Variants in MYO16 observed in about 807,000 individuals in gnomAD.
MYO16 encodes myosin XVI.
MYO16 carries 94 observed loss-of-function variants against 205.3 expected under a neutral mutation model. That is an observed-to-expected ratio of 0.46 (90% CI 0.39 to 0.54). The LOEUF is 0.54. Among genes scored for constraint, MYO16 ranks in the 20% least tolerant of loss-of-function variants. The pLI is 0.00. For missense variants in MYO16, 2,315 were observed against 2,387.5 expected (o/e 0.97, Z 0.63); for synonymous variants, 988 against 954.0 (o/e 1.04, Z -0.66).
intron 23 of MYO16, among the ~76,000 whole-genome samples, chr13:109,041,762 A>T (rs575942700): frequency 2.5e-4 from 38 of 152,334 alleles, no homozygotes; most frequent in Non-Finnish European, 3.7e-4. Context: ...TTATTTCAAA[A>T]TTAAAACTTT....
chr13:108,914,213 GTATC>G (rs372675739), intron 16 of MYO16, among the ~76,000 whole-genome samples: 134 of 147,116 alleles, frequency 9.1e-4, no homozygotes, highest in African/African-American at 3.3e-3. Context: ...AATAATTACT[GTATC>G]TACTATTGTT....
intron 3 of MYO16, among the ~76,000 whole-genome samples, chr13:108,721,385 G>T (rs192027561): frequency 4.8e-4 from 73 of 152,320 alleles, no homozygotes; most frequent in Middle Eastern, 3.4e-3. Flanking sequence ...CAAACCAGAG[G>T]TGTGGATAAA....
chr13:108,634,350 C>A (rs1012835607), intron 1 of MYO16, among the ~76,000 whole-genome samples: 1 of 152,182 alleles, frequency 6.6e-6, no homozygotes, highest in East Asian at 1.9e-4. Context: ...AAGGCCAGTG[C>A]GCTTGCAATT....
chr13:108,671,571 A>G (rs1566541451), intron 2 of MYO16, among the ~76,000 whole-genome samples: 2 of 152,218 alleles, frequency 1.3e-5, no homozygotes, highest in African/African-American at 2.4e-5. Flanking sequence ...TCAATGAAAG[A>G]GTCTGAATTT....
chr13:108,600,788 G>T (rs1315984435), intron 1 of MYO16, among the ~76,000 whole-genome samples: 4 of 152,084 alleles, frequency 2.6e-5, no homozygotes, highest in Non-Finnish European at 5.9e-5. Flanking sequence ...AGTAAATGCA[G>T]CCCCTAACAG....
chr13:108,836,713 T>C (rs1053807424), intron 9 of MYO16, among the ~76,000 whole-genome samples: 4 of 152,206 alleles, frequency 2.6e-5, no homozygotes, highest in Non-Finnish European at 5.9e-5. Context: ...AGAATCGTTA[T>C]GGAACGTTAA....
intron 11 of MYO16, among the ~76,000 whole-genome samples, chr13:108,859,257 G>A (rs1455119378): frequency 6.7e-6 from 1 of 149,938 alleles, no homozygotes; most frequent in African/African-American, 2.4e-5. Context: ...TTCTTGTTTT[G>A]TTCACTGCTA....
At chr13:108,711,538 C>T (rs1883724080) in intron 2 of MYO16, among the ~76,000 whole-genome samples, 1 of 152,208 alleles carries the variant, frequency 6.6e-6, no homozygotes, top group African/African-American at 2.4e-5. Context: ...TCCCTCATCA[C>T]ACCCACTGCA....
intron 4 of MYO16, among the ~76,000 whole-genome samples, chr13:108,767,750 C>T (rs1052260213): frequency 3.9e-5 from 6 of 152,124 alleles, no homozygotes; most frequent in Admixed American, 2.0e-4. Flanking sequence ...AGTCTCCCTT[C>T]CTATTTTATT....
chr13:108,540,548 T>G, the MYO16 span, among the ~76,000 whole-genome samples: 1 of 152,168 alleles, frequency 6.6e-6, no homozygotes, highest in Non-Finnish European at 1.5e-5. Flanking sequence ...TTAGAACTTG[T>G]GTGATTATAC....
chr13:109,049,743 A>G (rs1275424023), intron 24 of MYO16, among the ~76,000 whole-genome samples: 4 of 152,234 alleles, frequency 2.6e-5, no homozygotes, highest in African/African-American at 9.6e-5. Flanking sequence ...CTATACTATT[A>G]TGTATTTATC....
intron 3 of MYO16, among the ~76,000 whole-genome samples, chr13:108,720,927 T>G (rs1884139190): frequency 1.3e-5 from 2 of 152,158 alleles, no homozygotes; most frequent in South Asian, 4.1e-4. Context: ...TCAGGGTCAT[T>G]CATGATATGT....
At chr13:108,578,691 C>T in the MYO16 span, among the ~76,000 whole-genome samples, 2 of 152,150 alleles carry the variant, frequency 1.3e-5, no homozygotes, top group African/African-American at 2.4e-5. Flanking sequence ...ATACATTTCT[C>T]GTGTTCAACT....
chr13:109,077,761 G>A (rs541808017), intron 27 of MYO16, among the ~76,000 whole-genome samples: 2 of 152,230 alleles, frequency 1.3e-5, no homozygotes, highest in East Asian at 1.9e-4. Flanking sequence ...AAGCACTTTG[G>A]TGTAGTTCCT....
chr13:108,613,472 G>A, intron 1 of MYO16, among the ~76,000 whole-genome samples: 1 of 151,986 alleles, frequency 6.6e-6, no homozygotes, highest in East Asian at 1.9e-4. Context: ...TCAAAACTTA[G>A]TGTCATAATA....
intron 16 of MYO16, among the ~76,000 whole-genome samples, chr13:108,950,642 C>T (rs7992252): frequency 0.64 from 97,513 of 152,088 alleles, 36,049 homozygotes; most frequent in Non-Finnish European, 0.84. Flanking sequence ...GTGACAGTTT[C>T]TTATAAAACT....
At chr13:108,704,840 A>C (rs1883443441) in intron 2 of MYO16, among the ~76,000 whole-genome samples, 1 of 152,078 alleles carries the variant, frequency 6.6e-6, no homozygotes, top group Non-Finnish European at 1.5e-5. Flanking sequence ...TTTGAGTAGA[A>C]ATAAAAGAAA....
At chr13:108,734,859 G>A (rs1884638134) in intron 4 of MYO16, among the ~76,000 whole-genome samples, 1 of 152,186 alleles carries the variant, frequency 6.6e-6, no homozygotes. Context: ...TCAGCTTGGT[G>A]GCCACTAGGT....
chr13:108,547,761 T>G, the MYO16 span, among the ~76,000 whole-genome samples: 3 of 152,194 alleles, frequency 2.0e-5, no homozygotes. Context: ...TAAGATCACT[T>G]AAGACTGGAT....
Sources: allele counts gnomAD v4.1 joint callset (sites outside exome capture counted in the v4.1 genomes callset), GRCh38; gene constraint gnomAD v4.1.1; transcripts MANE v1.5; gene names NCBI Gene and HGNC (gene_info 2026-07-23, HGNC 2026-07-21).